Variants in TMEM178B observed in about 807,000 individuals in gnomAD.
The protein encoded by TMEM178B is transmembrane protein 178B.
A neutral mutation model predicts 31.0 loss-of-function variants in TMEM178B; 5 were observed. That is an observed-to-expected ratio of 0.16 (90% CI 0.08 to 0.34). The LOEUF is 0.34. TMEM178B is among the 10% of genes least tolerant of loss of function. TMEM178B has a pLI of 1.00. For missense variants in TMEM178B, 275 were observed against 400.3 expected, an observed-to-expected ratio of 0.69 and a Z score of 2.67; for synonymous variants, 164 against 164.0, an observed-to-expected ratio of 1.00 and a Z score of 0.00.
At position 141,470,816 on chromosome 7, in the gene TMEM178B, AT is replaced by A; in HGVS notation, c.*31del. ...CAAACCCATACATACATATATATAT[AT>A]AAATATATATATATAATATACATAT... On this transcript the variant is annotated 3_prime_UTR_variant, in exon 4 of 4. Coordinates refer to ENST00000565468, the MANE Select transcript of TMEM178B (RefSeq NM_001195278.2). The A allele has an allele frequency of 5.0e-6, 5 of 995,520 alleles. No individual in the cohort carries two copies. The highest frequency in any genetic ancestry group is 4.4e-5 in the East Asian group (1 of 22,622). 61.7% of individuals were successfully genotyped at this position (995,520 alleles called of 1,614,324 possible). A position where few individuals can be genotyped will look rare whatever the true frequency, so the allele number is the denominator to read the frequency against.
chr7:141,149,445 G>A (rs185153828), intron 1 of TMEM178B, among the ~76,000 whole-genome samples: 3 of 152,306 alleles, frequency 2.0e-5, no homozygotes, highest in East Asian at 1.9e-4. Flanking sequence ...CTACTCAGGA[G>A]GCTGAGGCAG....
intron 1 of TMEM178B, among the ~76,000 whole-genome samples, chr7:141,093,967 A>G (rs1794918531): frequency 1.3e-5 from 2 of 152,236 alleles, no homozygotes; most frequent in African/African-American, 2.4e-5. Context: ...TGGTATAAAT[A>G]TAAAGAAAGA....
intron 2 of TMEM178B, among the ~76,000 whole-genome samples, chr7:141,418,093 A>G (rs1371604624): frequency 6.6e-6 from 1 of 152,206 alleles, no homozygotes; most frequent in Non-Finnish European, 1.5e-5. Context: ...GTTAAGTCCC[A>G]GGTATTAGGT....
At chr7:141,341,914 CTT>C (rs1799522454) in intron 2 of TMEM178B, among the ~76,000 whole-genome samples, 1 of 152,178 alleles carries the variant, frequency 6.6e-6, no homozygotes, top group Admixed American at 6.5e-5. Flanking sequence ...TCTCCAATGT[CTT>C]CTAGTAGGAA....
intron 2 of TMEM178B, among the ~76,000 whole-genome samples, chr7:141,323,012 A>G (rs1268329320): frequency 6.6e-6 from 1 of 152,202 alleles, no homozygotes; most frequent in African/African-American, 2.4e-5. Flanking sequence ...TTGTAAGGGA[A>G]GGAGATATAT....
Position 141,344,578 on chromosome 7 carries a change from T to TCCTTCCTTCCTTCCTTCCTC in TMEM178B, c.497-93011_497-93010insCCCTTCCTTCCTTCCTTCCT, listed in dbSNP as rs1799578272. On this transcript the variant is annotated intron_variant, in intron 2 of 3. Transcript: ENST00000565468. This position sits in a 1 kb window ranked among gnomAD's most constrained non-coding sequence, Gnocchi z 4.1. ...CTCCCTCCATTCCTCCCTCCTCCCT[T>TCCTTCCTTCCTTCCTTCCTC]CCTTCCTTCCTTCCTTCCTTCCTTC... 2.1e-4 allele frequency among the ~76,000 whole-genome samples: 4 copies of TCCTTCCTTCCTTCCTTCCTC among 18,610 alleles called. No individual in the cohort carries two copies. The highest frequency in any genetic ancestry group is 3.7e-4 in the African/African-American group (2 of 5,380). 12.2% of individuals were successfully genotyped at this position (18,610 alleles called of 152,430 possible).
At chr7:141,379,237 T>C (rs2116583857) in intron 2 of TMEM178B, among the ~76,000 whole-genome samples, 1 of 151,068 alleles carries the variant, frequency 6.6e-6, no homozygotes, top group South Asian at 2.1e-4. Flanking sequence ...GAGATCAAGG[T>C]GGGAGAATCA....
Position 141,479,099 on chromosome 7 carries a change from A to T in TMEM178B, c.*8313A>T, listed in dbSNP as rs1802428620. 1 of 152,168 alleles carries T rather than the reference A, an allele frequency of 6.6e-6. No individual in the cohort carries two copies. The highest frequency in any genetic ancestry group is 1.5e-5 in the Non-Finnish European group (1 of 68,062). The allele number at this position is 152,168 out of a possible 1,614,324, so 9.4% of individuals were successfully genotyped here. A position where few individuals can be genotyped will look rare whatever the true frequency, so the allele number is the denominator to read the frequency against. ...CCCTTATGACCTGTCCAAGTCCTAG[A>T]GGCCAAAGCAGGTCATATTCTTCAG... On this transcript the variant is annotated 3_prime_UTR_variant, in exon 4 of 4. Transcript: ENST00000565468.
chr7:141,222,905 CAG>C (rs1797278514), intron 2 of TMEM178B, among the ~76,000 whole-genome samples: 2 of 152,180 alleles, frequency 1.3e-5, no homozygotes, highest in Admixed American at 1.3e-4. Context: ...GTAGCAGCAG[CAG>C]AAGCAGCTCT....
At chr7:141,090,461 C>T (rs553088460) in intron 1 of TMEM178B, among the ~76,000 whole-genome samples, 1 of 152,326 alleles carries the variant, frequency 6.6e-6, no homozygotes, top group South Asian at 2.1e-4. Context: ...CTTGATGAAG[C>T]CTCTCTCTCA....
intron 1 of TMEM178B, among the ~76,000 whole-genome samples, chr7:141,133,737 A>G (rs1010841340): frequency 1.3e-5 from 2 of 152,202 alleles, no homozygotes; most frequent in African/African-American, 2.4e-5. Flanking sequence ...GGAAATTCAA[A>G]AATTCTCAAA....
intron 2 of TMEM178B, among the ~76,000 whole-genome samples, chr7:141,315,852 G>T (rs1290327062): frequency 6.6e-6 from 1 of 152,120 alleles, no homozygotes; most frequent in Non-Finnish European, 1.5e-5. Flanking sequence ...ATTTCAAAGA[G>T]CTATTTTACA....
intron 2 of TMEM178B, among the ~76,000 whole-genome samples, chr7:141,219,761 CAAGATCTGTTCTTGCAG>C (rs1475142046): frequency 1.3e-5 from 2 of 152,156 alleles, no homozygotes; most frequent in African/African-American, 4.8e-5. Context: ...GATATTGCAC[CAAGATCTGTTCTTGCAG>C]AAGTAACTCA....
At chr7:141,130,685 T>C (rs923367203) in intron 1 of TMEM178B, among the ~76,000 whole-genome samples, 1 of 152,064 alleles carries the variant, frequency 6.6e-6, no homozygotes, top group East Asian at 1.9e-4. Flanking sequence ...GTTTTTCTTA[T>C]AAGAGAGGAG....
chr7:141,369,542 A>G (rs968645998), intron 2 of TMEM178B, among the ~76,000 whole-genome samples: 10 of 152,106 alleles, frequency 6.6e-5, no homozygotes, highest in Non-Finnish European at 1.0e-4. Flanking sequence ...TGTCTGAGCA[A>G]AGTGGAAAAT....
intron 2 of TMEM178B, among the ~76,000 whole-genome samples, chr7:141,410,912 C>T (rs984035306): frequency 1.3e-5 from 2 of 152,148 alleles, no homozygotes; most frequent in Admixed American, 1.3e-4. Context: ...CATGCTACAA[C>T]ATAGATGAAC....
At position 141,156,991 on chromosome 7, in the gene TMEM178B, G is replaced by T. The variant is rs148000400; in HGVS notation, c.383-55600G>T. Among the ~76,000 whole-genome samples, 489 of 152,302 alleles carry T rather than the reference G, an allele frequency of 3.2e-3. 2 individuals are homozygous for T. The highest frequency in any genetic ancestry group is 0.011 in the African/African-American group (468 of 41,552). ...GGCTGGCCTCCCAGCTATAGTTGGG[G>T]CTCAGGTCTTCTCCACCCAGCTCCC... is the stretch of plus-strand genomic sequence containing the variant. On this transcript the variant is annotated intron_variant, in intron 1 of 3. Transcript: ENST00000565468.
At chr7:141,168,969 C>G (rs1424108397) in intron 1 of TMEM178B, among the ~76,000 whole-genome samples, 1 of 152,194 alleles carries the variant, frequency 6.6e-6, no homozygotes, top group Non-Finnish European at 1.5e-5. Context: ...TTTCTCATTT[C>G]TTTGTGTTGG....
chr7:141,358,378 A>T (rs1237496799), intron 2 of TMEM178B, among the ~76,000 whole-genome samples: 1 of 152,076 alleles, frequency 6.6e-6, no homozygotes, highest in East Asian at 1.9e-4. Flanking sequence ...TCCTCTCCCC[A>T]CACAGTTTCA....
Sources: allele counts gnomAD v4.1 joint callset (sites outside exome capture counted in the v4.1 genomes callset), GRCh38; gene constraint gnomAD v4.1.1; non-coding constraint Gnocchi (gnomAD v3.1); transcripts MANE v1.5; gene names NCBI Gene and HGNC (gene_info 2026-07-23, HGNC 2026-07-21).